KCNT1: variants seen among roughly 807,000 people sequenced by gnomAD.
KCNT1 encodes potassium channel subfamily T member 1.
Under a neutral mutation model 147.8 loss-of-function variants are expected in KCNT1, and 78 were observed. The observed-to-expected ratio is 0.53, with a 90% CI of 0.44 to 0.64. The LOEUF (loss-of-function observed/expected upper bound fraction) is 0.64, where lower values mean the gene tolerates loss of function less well. Among genes scored for constraint, KCNT1 ranks in the 30% least tolerant of loss-of-function variants. The pLI is 0.00. For missense variants in KCNT1, 1,419 were observed against 1,750.3 expected (o/e 0.81, Z 3.38); for synonymous variants, 867 against 748.8 (o/e 1.16, Z -2.58).
chr9:135,751,781 G>T (rs1831190222), intron 4 of KCNT1, among the ~76,000 whole-genome samples: 1 of 152,152 alleles, frequency 6.6e-6, no homozygotes, highest in Non-Finnish European at 1.5e-5. Context: ...CATGTCTTTG[G>T]GGACCAGCCC....
At chr9:135,777,227 C>A in intron 20 of KCNT1, 111 bp from the exon 21 acceptor site, 2 of 1,196,988 alleles carry the variant, frequency 1.7e-6, no homozygotes, top group Non-Finnish European at 2.4e-6. Flanking sequence ...GGCCGAGAGG[C>A]TAACGGCTGG....
rs1264331050 is a variant in KCNT1 at position 135,730,187 on chromosome 9, T to C, written c.254+15467T>C. On this transcript the variant is annotated intron_variant, in intron 2 of 30. Coordinates refer to ENST00000371757, the MANE Select transcript of KCNT1 (RefSeq NM_020822.3). The surrounding 1 kb of genome is among the most constrained non-coding windows in gnomAD (Gnocchi z 4.7). ...ATTTTCACAGTAAGGCAGTGTTGAA[T>C]TGCAGCCTCTAGTGGCGACAACAAG... Among the ~76,000 whole-genome samples the C allele has an allele frequency of 6.6e-6, 1 of 152,166 alleles. No homozygotes were observed. Among genetic ancestry groups the C allele is most frequent in the Non-Finnish European group, 1.5e-5 (1 of 68,034 alleles).
intron 11 of KCNT1, 73 bp downstream of exon 11, chr9:135,759,932 C>T (rs1564356826): frequency 1.8e-5 from 25 of 1,416,870 alleles, no homozygotes; most frequent in Non-Finnish European, 1.9e-5. Flanking sequence ...GGGAGGGTGC[C>T]ACTGAGGCTG....
At chr9:135,705,819 C>T (rs905900747) in intron 1 of KCNT1, among the ~76,000 whole-genome samples, 1 of 151,716 alleles carries the variant, frequency 6.6e-6, no homozygotes, top group Non-Finnish European at 1.5e-5. Flanking sequence ...AGTGGCAGGG[C>T]AGAGGCCGCG....
chr9:135,716,785 G>C (rs1173729523), intron 2 of KCNT1, among the ~76,000 whole-genome samples: 4 of 152,164 alleles, frequency 2.6e-5, no homozygotes, highest in Admixed American at 6.5e-5. Context: ...ATGGGGTACA[G>C]GGCATCTGTG....
intron 28 of KCNT1, chr9:135,785,805 G>A (rs1267544366): frequency 4.8e-6 from 2 of 415,486 alleles, no homozygotes; most frequent in African/African-American, 2.0e-5. Context: ...ATCTGCAGAT[G>A]GAGAAATTGA....
intron 2 of KCNT1, among the ~76,000 whole-genome samples, chr9:135,726,208 C>A (rs1238796571): frequency 6.6e-6 from 1 of 152,104 alleles, no homozygotes; most frequent in Non-Finnish European, 1.5e-5. Context: ...GCAGGGGCAG[C>A]TGAGGGCCTG....
chr9:135,756,968 T>TTG, intron 7 of KCNT1, 36 bp downstream of exon 7: 5 of 852,546 alleles, frequency 5.9e-6, no homozygotes, highest in East Asian at 3.8e-5. Context: ...TCACAGGGGG[T>TTG]CCCCACCCTC....
chr9:135,706,636 C>T (rs1282776202), intron 1 of KCNT1, among the ~76,000 whole-genome samples: 1 of 152,234 alleles, frequency 6.6e-6, no homozygotes, highest in East Asian at 1.9e-4. Context: ...GCAAAGAGGG[C>T]TTCCATCTGC....
At chr9:135,731,369 T>C (rs1836424172) in intron 2 of KCNT1, among the ~76,000 whole-genome samples, 1 of 152,212 alleles carries the variant, frequency 6.6e-6, no homozygotes, top group South Asian at 2.1e-4. Flanking sequence ...ATCATTGTTT[T>C]TACTCCACCA....
rs566231426 is a variant in KCNT1 at position 135,782,741 on chromosome 9, A to G, written c.2842-1283A>G. 2.4e-4 allele frequency among the ~76,000 whole-genome samples: 37 copies of G among 152,336 alleles called. No individual in the cohort carries two copies. In the South Asian group the frequency reaches 6.2e-3, roughly 26 times the overall value. Reference sequence around the variant, plus strand: ...TTGTTCTGAGTAAAGGAAAATTAAAATTGCAAGTTGTTCTGGAATTTCACG... The same window carrying G: ...TTGTTCTGAGTAAAGGAAAATTAAAGTTGCAAGTTGTTCTGGAATTTCACG... On this transcript the variant is annotated intron_variant, in intron 24 of 30. Transcript: ENST00000371757.
At chr9:135,731,989 TATAGAGAG>T (rs1473548263) in intron 2 of KCNT1, among the ~76,000 whole-genome samples, 20 of 18,642 alleles carry the variant, frequency 1.1e-3, no homozygotes, top group East Asian at 2.5e-3. Flanking sequence ...TATATATATA[TATAGAGAG>T]AGAGAGAGAG....
At chr9:135,791,412 T>TC in intron 29 of KCNT1, 21 of 226,056 alleles carry the variant, frequency 9.3e-5, no homozygotes, top group South Asian at 3.6e-4. Context: ...GATGAAGGCA[T>TC]GCATGCATGT....
chr9:135,770,237 C>T (rs561018801), intron 16 of KCNT1, 61 bp from the exon 17 acceptor site: 99 of 1,538,894 alleles, frequency 6.4e-5, no homozygotes, highest in African/African-American at 1.5e-4. Flanking sequence ...CAGACCCAGC[C>T]GGGGAGAAGG....
chr9:135,718,446 C>A (rs1835803376), intron 2 of KCNT1, among the ~76,000 whole-genome samples: 1 of 152,214 alleles, frequency 6.6e-6, no homozygotes, highest in South Asian at 2.1e-4. Context: ...GGGTCCTGGG[C>A]TGTGGACGGA....
intron 2 of KCNT1, among the ~76,000 whole-genome samples, chr9:135,729,989 C>G (rs1812003811): frequency 6.6e-6 from 1 of 152,206 alleles, no homozygotes. Flanking sequence ...CCTTCCCAAG[C>G]CTGTCCTTCC....
intron 20 of KCNT1, 119 bp from the exon 21 acceptor site, chr9:135,777,219 C>T: frequency 1.8e-6 from 2 of 1,090,148 alleles, no homozygotes; most frequent in Non-Finnish European, 2.7e-6. Context: ...GGGCTGTGGG[C>T]CGAGAGGCTA....
intron 29 of KCNT1, among the ~76,000 whole-genome samples, chr9:135,787,725 C>T (rs1379928629): frequency 6.6e-6 from 1 of 152,210 alleles, no homozygotes; most frequent in Non-Finnish European, 1.5e-5. Context: ...TCCCCCTGTC[C>T]CCGCCTTGAA....
chr9:135,729,871 G>C (rs752918547), intron 2 of KCNT1, among the ~76,000 whole-genome samples: 2 of 152,196 alleles, frequency 1.3e-5, no homozygotes, highest in Admixed American at 6.5e-5. Flanking sequence ...GCTGGGGCCA[G>C]CCCAACCCCA....
Sources: gnomAD v4.1 joint callset for allele counts (sites outside exome capture counted in the v4.1 genomes callset) on GRCh38, gnomAD v4.1.1 for gene constraint, Gnocchi (gnomAD v3.1) non-coding constraint, MANE v1.5 for transcripts, NCBI Gene and HGNC (gene_info 2026-07-23, HGNC 2026-07-21) for gene names.